Variants in CD81 observed in about 807,000 individuals in gnomAD.
The protein encoded by CD81 is CD81 molecule.
In CD81, 10 loss-of-function variants were observed where a neutral mutation model predicts 30.1. That is an observed-to-expected ratio of 0.33 (90% CI 0.21 to 0.56). The LOEUF (loss-of-function observed/expected upper bound fraction) is 0.56. Ranked by LOEUF, CD81 falls within the 20% of genes least tolerant of loss-of-function variation. The pLI, the probability that CD81 is intolerant of heterozygous loss-of-function variation, is 0.89. For synonymous variants in CD81, 147 were observed against 126.4 expected, an observed-to-expected ratio of 1.16 and a Z score of -1.10; for missense variants, 263 against 308.7, an observed-to-expected ratio of 0.85 and a Z score of 1.11.
chr11:2,383,019 C>A (rs1357367576), intron 1 of CD81, among the ~76,000 whole-genome samples: 1 of 152,196 alleles, frequency 6.6e-6, no homozygotes, highest in Non-Finnish European at 1.5e-5. Flanking sequence ...CTGGGAGACA[C>A]CAGCATCCTC....
chr11:2,396,894 T>TCTGCAGTGCCCCCTAAGTGACCC lies in CD81; in HGVS notation c.*29_*51dup. The TCTGCAGTGCCCCCTAAGTGACCC allele has an allele frequency of 6.2e-7, 1 of 1,608,594 alleles. No individual in the cohort carries two copies. Among genetic ancestry groups the TCTGCAGTGCCCCCTAAGTGACCC allele is most frequent in the African/African-American group, 1.3e-5 (1 of 74,980 alleles). ...CCCCGCAGCTCTGGCCACAGGGACCTCTGCAGTGCCCCCTAAGTGACCCGG... is the reference window on the plus strand; with the variant it reads ...CCCCGCAGCTCTGGCCACAGGGACCTCTGCAGTGCCCCCTAAGTGACCCCTGCAGTGCCCCCTAAGTGACCCGG... On this transcript the variant is annotated 3_prime_UTR_variant, in exon 8 of 8. Coordinates refer to ENST00000263645, the MANE Select transcript of CD81 (RefSeq NM_004356.4).
chr11:2,385,416 G>A (rs912512602), intron 1 of CD81, among the ~76,000 whole-genome samples: 23 of 152,152 alleles, frequency 1.5e-4, no homozygotes, highest in African/African-American at 4.8e-4. Context: ...TTCAACAAGC[G>A]GACTCAGAAG....
intron 1 of CD81, 126 bp from the exon 2 acceptor site, chr11:2,390,286 G>A: frequency 1.2e-6 from 1 of 800,198 alleles, no homozygotes; most frequent in Non-Finnish European, 2.2e-6. Context: ...CAGCAGCAGA[G>A]CTGACACCTG....
rs1188683039 is a variant in CD81, at chr11:2,390,576, A to C, written c.181+50A>C. 5 of 1,328,954 alleles carry C rather than the reference A, an allele frequency of 3.8e-6. No individual in the cohort carries two copies. In the East Asian group the frequency reaches 6.9e-5, roughly 18 times the overall value. 82.3% of individuals were successfully genotyped at this position (1,328,954 alleles called of 1,614,324 possible). A position where few individuals can be genotyped will look rare whatever the true frequency, so the allele number is the denominator to read the frequency against. On this transcript the variant is annotated intron_variant, in intron 2 of 7. Coordinates refer to ENST00000263645, the MANE Select transcript of CD81 (RefSeq NM_004356.4). ...GCATTCAGGGAGGGCTTCTAGGAGG[A>C]GGCAGGTCCTAGCCTTTTGGATGGG...
chr11:2,389,672 C>T (rs2522013), intron 1 of CD81, among the ~76,000 whole-genome samples: 5 of 151,788 alleles, frequency 3.3e-5, no homozygotes, highest in Non-Finnish European at 5.9e-5. Context: ...CCGGCTTCTG[C>T]GCGCCCCTTC....
chr11:2,387,391 A>G (rs1849816229), intron 1 of CD81, among the ~76,000 whole-genome samples: 1 of 152,160 alleles, frequency 6.6e-6, no homozygotes, highest in Non-Finnish European at 1.5e-5. Flanking sequence ...CACAGTTTCA[A>G]AAGAAAATAA....
In CD81 at chr11:2,396,805, T is replaced by C; in HGVS notation, c.650T>C (p.Ile217Thr). ...GCGCCCCCCACCACCCTCCTGCAGATCTTCGAGATGATCCTGAGCATGGTG... is the reference window on the plus strand; with the variant it reads ...GCGCCCCCCACCACCCTCCTGCAGACCTTCGAGATGATCCTGAGCATGGTG... ...IAAIVVAVIM[I>T]FEMILSMVLC... The change falls in exon 8 of 8, where the codon ATC becomes ACC. Residue 217 changes from isoleucine (I) to threonine (T), a missense_variant and splice_region_variant. Around this residue, in one of 3 missense-constraint regions of CD81, gnomAD observed 176 missense variants for 192.9 expected, o/e 0.91. Transcript: ENST00000263645. 6.2e-7 allele frequency: 1 copy of C among 1,612,740 alleles called. No homozygotes were observed. Among genetic ancestry groups the C allele is most frequent in the Non-Finnish European group, 8.5e-7 (1 of 1,180,006 alleles).
intron 2 of CD81, chr11:2,393,525 G>C (rs1037553349): frequency 7.7e-6 from 2 of 261,146 alleles, no homozygotes; most frequent in Non-Finnish European, 1.5e-5. Flanking sequence ...GTCCCGTAAC[G>C]GAAGTGCTGC....
chr11:2,386,318 C>T (rs567475437), intron 1 of CD81: 1 of 630,256 alleles, frequency 1.6e-6, no homozygotes, highest in East Asian at 2.7e-5. Context: ...TTACCAGGCT[C>T]TGCCCCAGGT....
Position 2,396,907 on chromosome 11 carries a change from CTAAGTGACCCG to C in CD81, c.*42_*52del, listed in dbSNP as rs754474454. ...GCCACAGGGACCTCTGCAGTGCCCC[CTAAGTGACCCG>C]GACACTTCCGAGGGGGCCATCACCG... On this transcript the variant is annotated 3_prime_UTR_variant, in exon 8 of 8. Coordinates refer to ENST00000263645, the MANE Select transcript of CD81 (RefSeq NM_004356.4). The C allele has an allele frequency of 8.2e-6, 13 of 1,591,960 alleles. No individual in the cohort carries two copies. Among genetic ancestry groups the C allele is most frequent in the African/African-American group, 1.3e-5 (1 of 74,468 alleles).
intron 1 of CD81, among the ~76,000 whole-genome samples, chr11:2,389,101 C>T (rs530691228): frequency 6.6e-6 from 1 of 152,268 alleles, no homozygotes; most frequent in South Asian, 2.1e-4. Flanking sequence ...CAATTGTGTC[C>T]TAGGGACGCA....
At chr11:2,396,139 G>A (rs941806408) in intron 6 of CD81, 169 bp downstream of exon 6, 14 of 666,572 alleles carry the variant, frequency 2.1e-5, no homozygotes, top group Admixed American at 6.3e-5. Flanking sequence ...ACCGCATCTG[G>A]CCCACGAGGA....
Position 2,397,012 on chromosome 11 carries a change from T to G in CD81, c.*146T>G. The G allele has an allele frequency of 1.3e-6, 1 of 794,418 alleles. No individual in the cohort carries two copies. Among genetic ancestry groups the G allele is most frequent in the South Asian group, 1.5e-5 (1 of 66,416 alleles). The allele number at this position is 794,418 out of a possible 1,614,324, so 49.2% of individuals were successfully genotyped here. On this transcript the variant is annotated 3_prime_UTR_variant, in exon 8 of 8. Transcript: ENST00000263645. ...CTTTTTACTTTTGGGGTTTTGTTTT[T>G]GTTCTGAACTTTCCTGTTACCTTTT...
At chr11:2,386,750 G>T in intron 1 of CD81, 1 of 668,604 alleles carries the variant, frequency 1.5e-6, no homozygotes, top group Non-Finnish European at 2.8e-6. Flanking sequence ...ACAGGCTGGC[G>T]TCACCCCCAT....
intron 5 of CD81, 149 bp downstream of exon 5, chr11:2,395,669 G>T: frequency 9.1e-6 from 7 of 767,298 alleles, no homozygotes; most frequent in East Asian, 2.7e-5. Context: ...ACTGGTCCTC[G>T]GGTGGGAACC....
Position 2,377,677 on chromosome 11 carries a change from TCCCGCGGCAGCGTGCTAGGC to T in CD81, c.66+70_66+89del. On this transcript the variant is annotated intron_variant, in intron 1 of 7. Coordinates refer to ENST00000263645, the MANE Select transcript of CD81 (RefSeq NM_004356.4). The surrounding 1 kb of genome is among the most constrained non-coding windows in gnomAD (Gnocchi z 7.7). ...AGGCACACACTCCACGTTGGGCAGG[TCCCGCGGCAGCGTGCTAGGC>T]CCCGCGGGCGCAGCGCGGGCCGCGA... 1 of 1,175,480 alleles carries T rather than the reference TCCCGCGGCAGCGTGCTAGGC, an allele frequency of 8.5e-7. No individual in the cohort carries two copies. Among genetic ancestry groups the T allele is most frequent in the Non-Finnish European group, 1.2e-6 (1 of 847,218 alleles). The allele number at this position is 1,175,480 out of a possible 1,614,324, so 72.8% of individuals were successfully genotyped here. A position where few individuals can be genotyped will look rare whatever the true frequency, so the allele number is the denominator to read the frequency against.
Position 2,395,520 on chromosome 11 carries a change from G to C in CD81, c.459G>C (p.Thr153=). The C allele has an allele frequency of 6.2e-7, 1 of 1,611,724 alleles. No individual in the cohort carries two copies. The highest frequency in any genetic ancestry group is 8.5e-7 in the Non-Finnish European group (1 of 1,179,078). Residue 153 remains threonine, a splice_region_variant and synonymous_variant, in exon 5 of 8, where the codon ACG becomes ACC. Coordinates refer to ENST00000263645, the MANE Select transcript of CD81 (RefSeq NM_004356.4). ...CTGTGGTGAAGACCTTCCACGAGAC[G>C]GTGCGGCCCCGGGGGGCGAGGGCGG... ...AKAVVKTFHE[T]LDCCGSSTLT... is the part of the protein sequence containing the mutation.
At chr11:2,376,804 G>A (rs1344203753), upstream of CD81, 6 of 152,308 alleles carry the variant, frequency 3.9e-5, no homozygotes, top group African/African-American at 7.2e-5. Context: ...TGACTAGGGG[G>A]CCTCATGCCT....
intron 5 of CD81, 123 bp from the exon 6 acceptor site, chr11:2,395,746 G>A: frequency 3.8e-6 from 3 of 791,216 alleles, no homozygotes; most frequent in Non-Finnish European, 6.5e-6. Flanking sequence ...AAGAAGGCTG[G>A]CCCCTGGATG....
Sources: allele counts gnomAD v4.1 joint callset (sites outside exome capture counted in the v4.1 genomes callset), GRCh38; gene constraint gnomAD v4.1.1; regional missense constraint gnomAD v4.1.1; non-coding constraint Gnocchi (gnomAD v3.1); transcripts MANE v1.5; gene names NCBI Gene and HGNC (gene_info 2026-07-23, HGNC 2026-07-21).